Variants in PCDHGB2 observed in about 807,000 individuals in gnomAD.
PCDHGB2 encodes protocadherin gamma subfamily B, 2.
PCDHGB2 carries 55 observed loss-of-function variants against 59.3 expected under a neutral mutation model. The observed-to-expected ratio is 0.93, with a 90% CI of 0.75 to 1.16. PCDHGB2 has a LOEUF of 1.16. Among genes scored for constraint, PCDHGB2 ranks in the 50% most tolerant of loss-of-function variants. The pLI is 0.00. For missense variants in PCDHGB2, 1,228 were observed against 1,198.5 expected (o/e 1.02, Z -0.36); for synonymous variants, 516 against 512.0 (o/e 1.01, Z -0.11).
In PCDHGB2 at chr5:141,494,832, G is replaced by A. The variant is rs758427900; in HGVS notation, c.2447G>A (p.Arg816His). The A allele has an allele frequency of 1.2e-6, 2 of 1,614,066 alleles. No homozygotes were observed. Among genetic ancestry groups the A allele is most frequent in the Non-Finnish European group, 1.7e-6 (2 of 1,179,994 alleles). The change falls in exon 2 of 4, where the codon CGT (arginine) becomes CAT (histidine). Residue 816 changes from arginine (R) to histidine (H), a missense_variant. This residue lies in a region of PCDHGB2 where 433 missense variants were observed against 441.8 expected (regional missense o/e 0.98). Transcript: ENST00000522605. ...CAAGCCCCGCCCAACACGGACTGGC[G>A]TTTCTCTCAGGCCCAGAGACCCGGC... ...LKQAPPNTDW[R>H]FSQAQRPGTS...
rs1266310917 is a variant in PCDHGB2 at position 141,486,868 on chromosome 5, G to A, written c.2422-7939G>A. 2 of 1,614,104 alleles carry A rather than the reference G, an allele frequency of 1.2e-6. No homozygotes were observed. Among genetic ancestry groups the A allele is most frequent in the Non-Finnish European group, 1.7e-6 (2 of 1,180,056 alleles). ...ACCTCAATGACAATGCTCCAGCTGT[G>A]CTCCGTCCTCGGGCCCGGCCTGGTT... On this transcript the variant is annotated intron_variant, in intron 1 of 3. Transcript: ENST00000522605. The surrounding 1 kb of genome is among the most constrained non-coding windows in gnomAD (Gnocchi z 5.0).
At position 141,509,907 on chromosome 5, in the gene PCDHGB2, C is replaced by G. The variant is rs149338646; in HGVS notation, c.2570-1040C>G. Among the ~76,000 whole-genome samples, 567 of 152,300 alleles carry G rather than the reference C, an allele frequency of 3.7e-3. 5 individuals carry two copies. Among genetic ancestry groups the G allele is most frequent in the Admixed American group, 0.011 (163 of 15,296 alleles). ...GTGACTGACTGTCCCTTCCAGCATGCGCTTAGGTACACTTGGGCCTGAATG... is the reference window on the plus strand; with the variant it reads ...GTGACTGACTGTCCCTTCCAGCATGGGCTTAGGTACACTTGGGCCTGAATG... On this transcript the variant is annotated intron_variant, in intron 3 of 3. Coordinates refer to ENST00000522605, the MANE Select transcript of PCDHGB2 (RefSeq NM_018923.3).
intron 1 of PCDHGB2, among the ~76,000 whole-genome samples, chr5:141,455,580 T>C (rs572453788): frequency 6.6e-6 from 1 of 152,142 alleles, no homozygotes; most frequent in East Asian, 1.9e-4. Flanking sequence ...ACCCCAGCCT[T>C]TTAATATGCA....
intron 1 of PCDHGB2, chr5:141,398,820 G>T (rs1376527266): frequency 1.2e-6 from 2 of 1,613,854 alleles, no homozygotes; most frequent in African/African-American, 2.7e-5. Flanking sequence ...TCCGGATCCA[G>T]GTAACCGACG....
chr5:141,480,380 A>C (rs1192159457), intron 1 of PCDHGB2, among the ~76,000 whole-genome samples: 3 of 151,970 alleles, frequency 2.0e-5, no homozygotes, highest in African/African-American at 4.8e-5. Context: ...GCACCACTAC[A>C]CTTCAACCAT....
chr5:141,400,155 A>C lies in PCDHGB2; in HGVS notation c.2421+37599A>C, dbSNP rs756922498. The C allele has an allele frequency of 5.0e-6, 8 of 1,613,966 alleles. 1 individual carries two copies. The South Asian group carries it at 6.6e-5, about 13-fold the overall frequency. ...TGCCGGATATCACTGACCGCCCTGT[A>C]CCCTCTGACCCCCAGGCTGAGCTGC... On this transcript the variant is annotated intron_variant, in intron 1 of 3. Transcript: ENST00000522605.
intron 1 of PCDHGB2, among the ~76,000 whole-genome samples, chr5:141,402,769 C>T (rs1404796973): frequency 6.6e-6 from 1 of 152,196 alleles, no homozygotes; most frequent in Non-Finnish European, 1.5e-5. Context: ...GGACTCCATC[C>T]GGATTTCCAG....
intron 1 of PCDHGB2, chr5:141,383,229 G>A: frequency 6.2e-7 from 1 of 1,613,958 alleles, no homozygotes. Flanking sequence ...ACATCCTGAT[G>A]GAAGATAAAA....
chr5:141,378,758 C>T (rs969501970), intron 1 of PCDHGB2: 1 of 152,162 alleles, frequency 6.6e-6, no homozygotes, highest in Admixed American at 6.5e-5. Flanking sequence ...AAGGGATTAT[C>T]ATTTAGAAGA....
At chr5:141,426,826 T>C (rs2096963111) in intron 1 of PCDHGB2, 1 of 456,600 alleles carries the variant, frequency 2.2e-6, no homozygotes, top group Admixed American at 2.3e-5. Flanking sequence ...TCTCTGATGA[T>C]GGACAAGACT....
At chr5:141,483,919 G>T (rs912152955) in intron 1 of PCDHGB2, among the ~76,000 whole-genome samples, 2 of 151,008 alleles carry the variant, frequency 1.3e-5, no homozygotes, top group South Asian at 2.1e-4. Flanking sequence ...CACTCAGATT[G>T]CAGGTCGTAG....
rs754322623 is a variant in PCDHGB2, at chr5:141,360,192, C to G, written c.57C>G (p.Pro19=). The G allele has an allele frequency of 1.2e-6, 2 of 1,611,798 alleles. No individual in the cohort carries two copies. Among genetic ancestry groups the G allele is most frequent in the Non-Finnish European group, 1.7e-6 (2 of 1,178,932 alleles). The change falls in exon 1 of 4, where the codon CCC becomes CCG. Residue 19 remains proline (P), a synonymous_variant. Coordinates refer to ENST00000522605, the MANE Select transcript of PCDHGB2 (RefSeq NM_018923.3). ...TGCGGTGGCTGCAGGTACTGTTGCC[C>G]TTCCTGTTGTCTTTGTTCCCCGGGG... ...GLVRWLQVLL[P]FLLSLFPGAL... is the part of the protein sequence containing the mutation.
At position 141,485,293 on chromosome 5, in the gene PCDHGB2, G is replaced by A. The variant is rs1356836741; in HGVS notation, c.2422-9514G>A. On this transcript the variant is annotated intron_variant, in intron 1 of 3. Transcript: ENST00000522605. The surrounding 1 kb of genome is among the most constrained non-coding windows in gnomAD (Gnocchi z 5.7). ...GCTACCCGGTCCCAGAGGAGTCACA[G>A]GAAGGGACTTTTGTAGGGAATGTCG... 1 of 1,614,170 alleles carries A rather than the reference G, an allele frequency of 6.2e-7. No individual in the cohort carries two copies.
At chr5:141,369,170 A>G (rs374004034) in intron 1 of PCDHGB2, among the ~76,000 whole-genome samples, 1 of 152,236 alleles carries the variant, frequency 6.6e-6, no homozygotes, top group Non-Finnish European at 1.5e-5. Flanking sequence ...AAAAGTGTAA[A>G]TAACAAAAAG....
chr5:141,419,258 C>G lies in PCDHGB2; in HGVS notation c.2421+56702C>G, dbSNP rs761740232. The G allele has an allele frequency of 2.5e-6, 4 of 1,614,028 alleles. No individual in the cohort carries two copies. The Admixed American group carries it at 6.7e-5, about 27-fold the overall frequency. ...GGTCCACGTGCCAGAAAACAACCAG[C>G]CGGGTGCCTCCATAGCGCAAGTCAG... On this transcript the variant is annotated intron_variant, in intron 1 of 3. Transcript: ENST00000522605.
chr5:141,393,304 T>A, intron 1 of PCDHGB2: 1 of 1,613,798 alleles, frequency 6.2e-7, no homozygotes, highest in African/African-American at 1.3e-5. Flanking sequence ...GATGTGGGCG[T>A]GAACTCCCTC....
intron 1 of PCDHGB2, among the ~76,000 whole-genome samples, chr5:141,469,311 T>C (rs970450899): frequency 3.3e-5 from 5 of 152,040 alleles, no homozygotes; most frequent in Admixed American, 3.3e-4. Context: ...GCACGATGGC[T>C]CACGCCTGTA....
intron 1 of PCDHGB2, among the ~76,000 whole-genome samples, chr5:141,484,321 G>A (rs2099594762): frequency 6.6e-6 from 1 of 152,124 alleles, no homozygotes; most frequent in Non-Finnish European, 1.5e-5. Flanking sequence ...CTTCCATACT[G>A]TCCTTGAAAT....
chr5:141,415,048 G>C lies in PCDHGB2; in HGVS notation c.2421+52492G>C, dbSNP rs535976406. The C allele has an allele frequency of 5.0e-5, 80 of 1,613,320 alleles. 1 individual carries two copies. The Admixed American group carries it at 6.0e-4, about 12-fold the overall frequency. ...CGAGCCGGGACTCTTCGCGGTGGGG[G>C]AGCACACGGGCGAGGTGCGCACGGC... is the stretch of plus-strand genomic sequence containing the variant. On this transcript the variant is annotated intron_variant, in intron 1 of 3. Transcript: ENST00000522605.
Sources: allele counts gnomAD v4.1 joint callset (sites outside exome capture counted in the v4.1 genomes callset), GRCh38; gene constraint gnomAD v4.1.1; regional missense constraint gnomAD v4.1.1; non-coding constraint Gnocchi (gnomAD v3.1); transcripts MANE v1.5; gene names NCBI Gene and HGNC (gene_info 2026-07-23, HGNC 2026-07-21).